Variants in ATP11A observed in about 807,000 individuals in gnomAD.
ATP11A encodes ATPase phospholipid transporting 11A.
ATP11A carries 81 observed loss-of-function variants against 154.4 expected under a neutral mutation model. That is an observed-to-expected ratio of 0.52 (90% CI 0.44 to 0.63). The LOEUF is 0.63. Ranked by LOEUF, ATP11A falls within the 30% of genes least tolerant of loss-of-function variation. ATP11A has a pLI of 0.00. For missense variants in ATP11A, 1,316 were observed against 1,474.3 expected, an observed-to-expected ratio of 0.89 and a Z score of 1.76; for synonymous variants, 623 against 585.9, an observed-to-expected ratio of 1.06 and a Z score of -0.91.
intron 1 of ATP11A, among the ~76,000 whole-genome samples, chr13:112,781,412 A>T (rs1293983581): frequency 6.6e-6 from 1 of 152,212 alleles, no homozygotes; most frequent in Non-Finnish European, 1.5e-5. Flanking sequence ...GGTGAGGTTC[A>T]GAAGTTACAC....
chr13:112,730,214 G>A lies in ATP11A; in HGVS notation c.39+39759G>A, dbSNP rs1479934025. Reference sequence around the variant, plus strand: ...GCAGTCACATGGCAAGGGCGACCTCGGAGGAGTCCAATCTGCCAGGACATG... The same window carrying A: ...GCAGTCACATGGCAAGGGCGACCTCAGAGGAGTCCAATCTGCCAGGACATG... On this transcript the variant is annotated intron_variant, in intron 1 of 29. Transcript: ENST00000375645. Among the ~76,000 whole-genome samples the A allele has an allele frequency of 2.6e-5, 4 of 152,330 alleles. No homozygotes were observed. In the East Asian group the frequency reaches 7.7e-4, roughly 29 times the overall value.
intron 28 of ATP11A, among the ~76,000 whole-genome samples, chr13:112,877,538 C>G (rs2080765798): frequency 6.6e-6 from 1 of 152,196 alleles, no homozygotes; most frequent in South Asian, 2.1e-4. Flanking sequence ...GGGGGTCTGA[C>G]CCCGAGAGAG....
intron 17 of ATP11A, among the ~76,000 whole-genome samples, chr13:112,848,528 G>A (rs1471947154): frequency 2.0e-5 from 3 of 152,154 alleles, no homozygotes; most frequent in African/African-American, 7.2e-5. Context: ...CCTTTCTAAT[G>A]TGGAAACTTT....
intron 10 of ATP11A, among the ~76,000 whole-genome samples, 177 bp from the exon 11 acceptor site, chr13:112,825,253 A>G (rs560400657): frequency 6.6e-6 from 1 of 152,326 alleles, no homozygotes; most frequent in African/African-American, 2.4e-5. Flanking sequence ...AGTACGTGCC[A>G]GGGACCATGG....
rs573538096 is a variant in ATP11A, at chr13:112,844,720, C to T, written c.1809+2341C>T. Among the ~76,000 whole-genome samples, 196 of 139,608 alleles carry T rather than the reference C, an allele frequency of 1.4e-3. 2 individuals are homozygous for T. In the Middle Eastern group the frequency reaches 0.045, roughly 32 times the overall value. 91.6% of individuals were successfully genotyped at this position (139,608 alleles called of 152,430 possible). A position where few individuals can be genotyped will look rare whatever the true frequency, so the allele number is the denominator to read the frequency against. ...GCACTAGCGGTACTAGTTCAGCGGCCGCTAGTCCAAGTACCTCTAGCGGTA... is the reference window on the plus strand; with the variant it reads ...GCACTAGCGGTACTAGTTCAGCGGCTGCTAGTCCAAGTACCTCTAGCGGTA... On this transcript the variant is annotated intron_variant, in intron 17 of 29. Transcript: ENST00000375645.
intron 12 of ATP11A, among the ~76,000 whole-genome samples, chr13:112,828,920 C>T (rs1594814640): frequency 6.6e-6 from 1 of 152,200 alleles, no homozygotes; most frequent in African/African-American, 2.4e-5. Flanking sequence ...TAGATTCACC[C>T]ACCAGTCAAG....
Position 112,836,231 on chromosome 13 carries a change from T to C in ATP11A, c.1685T>C (p.Val562Ala). The C allele has an allele frequency of 6.2e-7, 1 of 1,610,708 alleles. No homozygotes were observed. The highest frequency in any genetic ancestry group is 8.5e-7 in the Non-Finnish European group (1 of 1,177,756). The part of the protein sequence containing the change: ...SFDSVRRRMS[V>A]IVKSATGEIY... ...GACTCAGTCAGAAGGAGAATGAGTGTAATTGTAAAATCTGCTACAGGTAAA... is the reference window on the plus strand; with the variant it reads ...GACTCAGTCAGAAGGAGAATGAGTGCAATTGTAAAATCTGCTACAGGTAAA... The change falls in exon 16 of 30, where the codon GTA (valine) becomes GCA (alanine). Residue 562 changes from valine (V) to alanine (A), a missense_variant. By Grantham distance (64) the Val-to-Ala change is moderately conservative. This residue lies in a region of ATP11A where 876 missense variants were observed against 1,006.8 expected (regional missense o/e 0.87). Transcript: ENST00000375645.
chr13:112,842,204 T>C, intron 16 of ATP11A, 72 bp from the exon 17 acceptor site: 1 of 1,252,254 alleles, frequency 8.0e-7, no homozygotes, highest in South Asian at 1.3e-5. Context: ...TTTTTAATAA[T>C]GGCATAATTT....
intron 1 of ATP11A, among the ~76,000 whole-genome samples, chr13:112,729,629 C>G (rs1334128093): frequency 1.3e-5 from 2 of 152,264 alleles, no homozygotes; most frequent in African/African-American, 4.8e-5. Flanking sequence ...CATTGCGGAC[C>G]TGGAGCATGT....
At chr13:112,847,755 T>C (rs145308602) in intron 17 of ATP11A, among the ~76,000 whole-genome samples, 3,203 of 152,320 alleles carry the variant, frequency 0.021, 105 homozygotes, top group African/African-American at 0.067. Context: ...TGAGATTTAA[T>C]AGGAATTTTA....
intron 4 of ATP11A, among the ~76,000 whole-genome samples, chr13:112,809,289 A>C (rs1444616065): frequency 6.6e-6 from 1 of 152,242 alleles, no homozygotes; most frequent in African/African-American, 2.4e-5. Flanking sequence ...AGTGTCACTT[A>C]TTAATGGTCA....
chr13:112,881,531 C>A (rs2080884369), intron 29 of ATP11A: 2 of 1,134,896 alleles, frequency 1.8e-6, no homozygotes, highest in East Asian at 6.8e-5. Flanking sequence ...ATCCCTGGGG[C>A]CCCTGGGTTC....
chr13:112,850,993 G>T (rs1326744174), intron 17 of ATP11A, 44 bp from the exon 18 acceptor site: 1 of 1,584,096 alleles, frequency 6.3e-7, no homozygotes, highest in East Asian at 2.2e-5. Context: ...ATTTCAGCAA[G>T]TGACACCTTG....
chr13:112,878,813 C>T (rs1343760066), intron 29 of ATP11A, among the ~76,000 whole-genome samples: 7 of 152,220 alleles, frequency 4.6e-5, no homozygotes, highest in Non-Finnish European at 1.0e-4. Context: ...TGCTCAGGAC[C>T]CATGCACATT....
intron 2 of ATP11A, among the ~76,000 whole-genome samples, chr13:112,787,841 A>G (rs1278491975): frequency 7.2e-6 from 1 of 138,534 alleles, no homozygotes; most frequent in Admixed American, 7.2e-5. Flanking sequence ...CCTAATTCAC[A>G]CCGGTGTCCT....
rs72660053 is a variant in ATP11A, at chr13:112,843,405, C to T, written c.1809+1026C>T. On this transcript the variant is annotated intron_variant, in intron 17 of 29. Coordinates refer to ENST00000375645, the MANE Select transcript of ATP11A (RefSeq NM_015205.3). ...CACGGTGTCTGCACCCTTCTCCCGA[C>T]ACCACCCTGGGGTCTTCTCCCTCAC... Among the ~76,000 whole-genome samples, 526 of 152,354 alleles carry T rather than the reference C, an allele frequency of 3.5e-3. 4 individuals are homozygous for T. The highest frequency in any genetic ancestry group is 5.0e-3 in the Non-Finnish European group (339 of 68,032).
chr13:112,770,625 G>A (rs778521233), intron 1 of ATP11A, among the ~76,000 whole-genome samples: 50 of 152,254 alleles, frequency 3.3e-4, no homozygotes, highest in Admixed American at 2.0e-4. Context: ...TCAGCACGGC[G>A]GTGGAAACGT....
At chr13:112,756,306 C>G (rs1039360884) in intron 1 of ATP11A, among the ~76,000 whole-genome samples, 34 of 152,324 alleles carry the variant, frequency 2.2e-4, no homozygotes, top group South Asian at 2.1e-3. Context: ...TCATGTCCAT[C>G]GTTGCGGTGC....
chr13:112,850,089 C>T (rs17121788), intron 17 of ATP11A, among the ~76,000 whole-genome samples: 5,971 of 152,260 alleles, frequency 0.039, 392 homozygotes, highest in African/African-American at 0.14. Flanking sequence ...AGTGGCAATT[C>T]TGTCCACACC....
Sources: allele counts gnomAD v4.1 joint callset (sites outside exome capture counted in the v4.1 genomes callset), GRCh38; gene constraint gnomAD v4.1.1; regional missense constraint gnomAD v4.1.1; transcripts MANE v1.5; gene names NCBI Gene and HGNC (gene_info 2026-07-23, HGNC 2026-07-21).